Variants in DPY19L1 observed in about 807,000 individuals in gnomAD.
DPY19L1 encodes protein C-mannosyl-transferase DPY19L1.
Under a neutral mutation model 96.9 loss-of-function variants are expected in DPY19L1, and 35 were observed. That is an observed-to-expected ratio of 0.36 (90% CI 0.28 to 0.48). The LOEUF is 0.48. DPY19L1 is among the 20% of genes least tolerant of loss of function. The pLI, the probability that DPY19L1 is intolerant of heterozygous loss-of-function variation, is 0.99. For missense variants in DPY19L1, 521 were observed against 777.9 expected, an observed-to-expected ratio of 0.67 and a Z score of 3.93; for synonymous variants, 205 against 252.6, an observed-to-expected ratio of 0.81 and a Z score of 1.79.
chr7:34,936,767 T>C (rs1374594102), intron 21 of DPY19L1, among the ~76,000 whole-genome samples: 1 of 152,230 alleles, frequency 6.6e-6, no homozygotes, highest in Non-Finnish European at 1.5e-5. Context: ...AGGAGAATCA[T>C]TCTATAATCA....
At chr7:34,974,896 A>G (rs180981785) in intron 7 of DPY19L1, among the ~76,000 whole-genome samples, 32 of 152,228 alleles carry the variant, frequency 2.1e-4, no homozygotes, top group African/African-American at 7.0e-4. Flanking sequence ...TATATCTGCT[A>G]CGGTGATCTG....
At chr7:34,935,777 CAAGA>C (rs1251678022) in intron 21 of DPY19L1, among the ~76,000 whole-genome samples, 1 of 152,212 alleles carries the variant, frequency 6.6e-6, no homozygotes, top group Non-Finnish European at 1.5e-5. Flanking sequence ...AAAGCTTTGT[CAAGA>C]AACTTCCTAC....
chr7:34,933,387 G>C (rs545283537), intron 21 of DPY19L1, among the ~76,000 whole-genome samples: 3 of 152,306 alleles, frequency 2.0e-5, no homozygotes, highest in South Asian at 4.1e-4. Flanking sequence ...TACAATATTT[G>C]CTATCTGCTG....
At chr7:34,959,579 C>A (rs183138107) in intron 10 of DPY19L1, among the ~76,000 whole-genome samples, 81 of 152,058 alleles carry the variant, frequency 5.3e-4, no homozygotes, top group African/African-American at 2.0e-3. Flanking sequence ...ATAGATGAAG[C>A]TGGAAGCCAT....
chr7:34,972,435 T>TC (rs111876590), intron 8 of DPY19L1, among the ~76,000 whole-genome samples: 8 of 152,196 alleles, frequency 5.3e-5, no homozygotes, highest in African/African-American at 1.9e-4. Flanking sequence ...GAAAGAAGAA[T>TC]CAAAGGTTTG....
At chr7:34,967,932 G>T (rs1784645737) in intron 9 of DPY19L1, among the ~76,000 whole-genome samples, 1 of 152,136 alleles carries the variant, frequency 6.6e-6, no homozygotes, top group Non-Finnish European at 1.5e-5. Flanking sequence ...GTGGGGAAGT[G>T]TGTGTTATTA....
intron 17 of DPY19L1, 86 bp downstream of exon 17, chr7:34,942,529 C>G (rs745348198): frequency 2.7e-6 from 3 of 1,118,286 alleles, no homozygotes; most frequent in African/African-American, 1.6e-5. Context: ...CAATTGCCAA[C>G]AAAGTTAGAA....
At chr7:35,012,674 GT>G (rs1785740525) in intron 4 of DPY19L1, among the ~76,000 whole-genome samples, 1 of 151,604 alleles carries the variant, frequency 6.6e-6, no homozygotes, top group South Asian at 2.1e-4. Context: ...TAAAAATGAA[GT>G]TTTTTACATG....
At chr7:35,006,864 A>G (rs1326571780) in intron 6 of DPY19L1, among the ~76,000 whole-genome samples, 1 of 152,218 alleles carries the variant, frequency 6.6e-6, no homozygotes, top group Non-Finnish European at 1.5e-5. Flanking sequence ...CAAAACAAAT[A>G]TACTTCTGAA....
intron 7 of DPY19L1, among the ~76,000 whole-genome samples, chr7:34,987,001 C>T (rs1197464260): frequency 6.6e-6 from 1 of 151,780 alleles, no homozygotes; most frequent in East Asian, 1.9e-4. Context: ...TTAATCTTAT[C>T]ATGAAAAAGC....
At chr7:34,977,078 A>T (rs1349341055) in intron 7 of DPY19L1, among the ~76,000 whole-genome samples, 1 of 152,064 alleles carries the variant, frequency 6.6e-6, no homozygotes, top group African/African-American at 2.4e-5. Context: ...CTTATTTTTA[A>T]ATTAAGGTAT....
At chr7:34,973,906 G>A (rs535035894) in intron 7 of DPY19L1, among the ~76,000 whole-genome samples, 29 of 152,200 alleles carry the variant, frequency 1.9e-4, no homozygotes, top group Admixed American at 1.4e-3. Flanking sequence ...GCAAGAAAAC[G>A]TTCTGCCAAA....
chr7:34,954,633 C>A (rs2128785786), intron 13 of DPY19L1, 65 bp downstream of exon 13: 1 of 900,402 alleles, frequency 1.1e-6, no homozygotes, highest in Non-Finnish European at 1.7e-6. Context: ...TTGAATAACT[C>A]AATTTATTCT....
chr7:34,993,450 T>C (rs1785215512), intron 6 of DPY19L1, among the ~76,000 whole-genome samples: 1 of 152,046 alleles, frequency 6.6e-6, no homozygotes, highest in Non-Finnish European at 1.5e-5. Context: ...ATTTTTTTTT[T>C]TGTTATCACA....
chr7:34,933,444 T>C (rs919553250), intron 21 of DPY19L1, among the ~76,000 whole-genome samples: 22 of 152,380 alleles, frequency 1.4e-4, no homozygotes, highest in African/African-American at 5.0e-4. Context: ...GATATCATTA[T>C]ATACATAGAT....
In DPY19L1 at chr7:35,018,558, A is replaced by G. The variant is rs1785914341; in HGVS notation, c.323+14T>C. ...GTCTGCATAAAATACCATAGGAGAAAAAAACAATCTTACCAGTGCAACACT... is the reference window on the plus strand; with the variant it reads ...GTCTGCATAAAATACCATAGGAGAAGAAAACAATCTTACCAGTGCAACACT... On this transcript the variant is annotated intron_variant, in intron 2 of 21. Coordinates refer to ENST00000638088, the MANE Select transcript of DPY19L1 (RefSeq NM_001366673.1). 1 of 1,606,558 alleles carries G rather than the reference A, an allele frequency of 6.2e-7. No homozygotes were observed. Among genetic ancestry groups the G allele is most frequent in the Non-Finnish European group, 8.5e-7 (1 of 1,176,958 alleles).
chr7:34,939,024 T>C lies in DPY19L1; in HGVS notation c.1964+252A>G, dbSNP rs527876407. On this transcript the variant is annotated intron_variant, in intron 20 of 21. Coordinates refer to ENST00000638088, the MANE Select transcript of DPY19L1 (RefSeq NM_001366673.1). The stretch of plus-strand genomic sequence containing the variant: ...AGAGCCCTGTTAACCTGTGGGAAAG[T>C]GCTATAGTATGACTTCGTTTATATG... 100 of 347,464 alleles carry C rather than the reference T, an allele frequency of 2.9e-4. 1 individual carries two copies. The South Asian group carries it at 8.3e-3, about 29-fold the overall frequency. 21.5% of individuals were successfully genotyped at this position (347,464 alleles called of 1,614,324 possible). A position where few individuals can be genotyped will look rare whatever the true frequency, so the allele number is the denominator to read the frequency against.
intron 4 of DPY19L1, among the ~76,000 whole-genome samples, chr7:35,012,868 A>T (rs1399496544): frequency 1.3e-5 from 2 of 152,078 alleles, no homozygotes; most frequent in Non-Finnish European, 2.9e-5. Flanking sequence ...GATGAAAGGC[A>T]TGAATTGGCA....
At chr7:35,024,728 A>G (rs1200043777) in intron 1 of DPY19L1, among the ~76,000 whole-genome samples, 1 of 152,232 alleles carries the variant, frequency 6.6e-6, no homozygotes, top group Non-Finnish European at 1.5e-5. Flanking sequence ...CTTCAAAATC[A>G]AAAGACTTCA....
Sources: allele counts gnomAD v4.1 joint callset (sites outside exome capture counted in the v4.1 genomes callset), GRCh38; gene constraint gnomAD v4.1.1; transcripts MANE v1.5; gene names NCBI Gene and HGNC (gene_info 2026-07-23, HGNC 2026-07-21).